Variants in OR56A3 observed in about 807,000 individuals in gnomAD.
OR56A3 encodes olfactory receptor family 56 subfamily A member 3.
OR56A3 carries 23 observed loss-of-function variants against 17.5 expected under a neutral mutation model. That is an observed-to-expected ratio of 1.32 (90% CI 0.95 to 1.87). The LOEUF (loss-of-function observed/expected upper bound fraction) is 1.87. OR56A3 is among the 40% of genes most tolerant of loss of function. The pLI is 0.00. For missense variants in OR56A3, 366 were observed against 380.1 expected, an observed-to-expected ratio of 0.96 and a Z score of 0.31; for synonymous variants, 175 against 150.6, an observed-to-expected ratio of 1.16 and a Z score of -1.19.
intron 1 of OR56A3, among the ~76,000 whole-genome samples, chr11:5,943,012 A>G (rs1480475977): frequency 6.6e-6 from 1 of 152,248 alleles, no homozygotes; most frequent in Non-Finnish European, 1.5e-5. Context: ...CTGGAACTGG[A>G]AACCATTAGC....
chr11:5,983,789 G>A, the OR56A3 span, among the ~76,000 whole-genome samples: 2 of 152,154 alleles, frequency 1.3e-5, no homozygotes, highest in Non-Finnish European at 2.9e-5. Flanking sequence ...CAATGGATGG[G>A]GTTATTGTGT....
the OR56A3 span, among the ~76,000 whole-genome samples, chr11:5,961,232 G>A: frequency 6.6e-5 from 10 of 152,272 alleles, no homozygotes; most frequent in South Asian, 2.1e-4. Context: ...TTCCCCGGCC[G>A]CCACCCCATC....
In OR56A3 at chr11:5,950,843, C is replaced by T. The variant is rs913363509; in HGVS notation, c.*2549C>T. 6.6e-6 allele frequency: 1 copy of T among 152,048 alleles called. No homozygotes were observed. The highest frequency in any genetic ancestry group is 2.4e-5 in the African/African-American group (1 of 41,410). 9.4% of individuals were successfully genotyped at this position (152,048 alleles called of 1,614,324 possible). Reference sequence around the variant, plus strand: ...TTCAATAGCCACGTGAGGCTAGTGACTATGGTATTAATCAGTACTACTCTA... The same window carrying T: ...TTCAATAGCCACGTGAGGCTAGTGATTATGGTATTAATCAGTACTACTCTA... On this transcript the variant is annotated 3_prime_UTR_variant, in exon 3 of 3. Coordinates refer to ENST00000641160, the MANE Select transcript of OR56A3 (RefSeq NM_001003443.3).
At chr11:5,971,963 G>A in the OR56A3 span, among the ~76,000 whole-genome samples, 1 of 152,082 alleles carries the variant, frequency 6.6e-6, no homozygotes, top group Non-Finnish European at 1.5e-5. Context: ...AAAAAACTAG[G>A]GCTATTAGGG....
rs760975767 is a variant in OR56A3 at position 5,948,197 on chromosome 11, A to G, written c.851A>G (p.His284Arg). Residue 284 changes from histidine (H) to arginine (R), a missense_variant, in exon 3 of 3, where the codon CAC becomes CGC. His to Arg is a conservative substitution (Grantham distance 29). Transcript: ENST00000641160. The stretch of plus-strand genomic sequence containing the variant: ...GTGCCAGTCTTGCTCAATGTTCTCC[A>G]CCATGTCATTCCTGCAGCCCTTAAC... Reference protein sequence around the residue: ...PDVPVLLNVLHHVIPAALNPI... With the variant: ...PDVPVLLNVLRHVIPAALNPI... 3.1e-6 allele frequency: 5 copies of G among 1,614,058 alleles called. No individual in the cohort carries two copies. In the African/African-American group the frequency reaches 5.3e-5, roughly 17 times the overall value.
At chr11:5,960,133 G>T in the OR56A3 span, among the ~76,000 whole-genome samples, 2 of 152,122 alleles carry the variant, frequency 1.3e-5, no homozygotes, top group African/African-American at 2.4e-5. Context: ...TCTCAAGATT[G>T]CTGTGGCTAT....
downstream of OR56A3, among the ~76,000 whole-genome samples, chr11:5,952,938 G>T (rs138252876): frequency 2.5e-4 from 38 of 152,220 alleles, 1 homozygote; most frequent in East Asian, 7.3e-3. Context: ...ATTTACTTAG[G>T]ATAATGGTCT....
At chr11:5,981,149 G>T in the OR56A3 span, among the ~76,000 whole-genome samples, 1 of 152,194 alleles carries the variant, frequency 6.6e-6, no homozygotes, top group East Asian at 1.9e-4. Context: ...CTTGAGGATG[G>T]TCATCTTGTA....
chr11:5,997,179 CTT>C, the OR56A3 span, among the ~76,000 whole-genome samples: 1 of 152,202 alleles, frequency 6.6e-6, no homozygotes, highest in Non-Finnish European at 1.5e-5. Context: ...CATTAAAAAA[CTT>C]TGCCCCCATG....
chr11:6,007,630 A>G, the OR56A3 span, among the ~76,000 whole-genome samples: 7 of 152,138 alleles, frequency 4.6e-5, no homozygotes, highest in African/African-American at 1.7e-4. Flanking sequence ...GAGAAAGAAA[A>G]AGAAAAAGAA....
the OR56A3 span, among the ~76,000 whole-genome samples, chr11:6,010,817 ATGTGTGTG>A: frequency 0.017 from 2,561 of 149,860 alleles, 49 homozygotes; most frequent in African/African-American, 0.049. Context: ...CAAGACAGAA[ATGTGTGTG>A]TGTGTGTGTG....
chr11:6,014,274 C>T, the OR56A3 span, among the ~76,000 whole-genome samples: 1 of 152,168 alleles, frequency 6.6e-6, no homozygotes, highest in Non-Finnish European at 1.5e-5. Flanking sequence ...ACCCAAATCT[C>T]ATGTTAAATT....
At chr11:5,959,304 T>C in the OR56A3 span, among the ~76,000 whole-genome samples, 1 of 152,178 alleles carries the variant, frequency 6.6e-6, no homozygotes, top group Non-Finnish European at 1.5e-5. Context: ...TTGTGGTTTT[T>C]TTGTTGTTGC....
chr11:6,006,665 A>G, the OR56A3 span, among the ~76,000 whole-genome samples: 8 of 152,210 alleles, frequency 5.3e-5, no homozygotes, highest in Admixed American at 3.9e-4. Flanking sequence ...TGATATAGTT[A>G]GGAGTCTTTG....
the OR56A3 span, among the ~76,000 whole-genome samples, chr11:5,988,960 C>A: frequency 6.6e-6 from 1 of 152,200 alleles, no homozygotes; most frequent in African/African-American, 2.4e-5. Flanking sequence ...TGACTTAGTT[C>A]TTGTGGATAA....
chr11:5,978,543 C>T, the OR56A3 span, among the ~76,000 whole-genome samples: 1 of 151,512 alleles, frequency 6.6e-6, no homozygotes, highest in African/African-American at 2.4e-5. Flanking sequence ...AGGAATAGTA[C>T]TGATTTTTGT....
chr11:6,010,097 A>T, the OR56A3 span, among the ~76,000 whole-genome samples: 14 of 152,110 alleles, frequency 9.2e-5, no homozygotes, highest in Non-Finnish European at 1.5e-5. Context: ...TTTCCAATAA[A>T]TTAGGACTTC....
the OR56A3 span, among the ~76,000 whole-genome samples, chr11:5,998,212 T>G: frequency 6.6e-6 from 1 of 152,174 alleles, no homozygotes; most frequent in East Asian, 1.9e-4. Flanking sequence ...AAACCTTGGG[T>G]TGGGTATCAG....
At chr11:6,002,957 G>A in the OR56A3 span, 1 of 1,614,008 alleles carries the variant, frequency 6.2e-7, no homozygotes, top group Non-Finnish European at 8.5e-7. Context: ...GGAATTCAGA[G>A]ACTGGGGCAG....
Sources: allele counts gnomAD v4.1 joint callset (sites outside exome capture counted in the v4.1 genomes callset), GRCh38; gene constraint gnomAD v4.1.1; transcripts MANE v1.5; gene names NCBI Gene and HGNC (gene_info 2026-07-23, HGNC 2026-07-21).